The following PPFIA2 variants were observed in gnomAD, a reference collection of about 807,000 sequenced individuals.
PPFIA2 encodes the protein liprin-alpha-2.
PPFIA2 carries 46 observed loss-of-function variants against 175.5 expected under a neutral mutation model. The observed-to-expected ratio is 0.26, with a 90% CI of 0.21 to 0.34. PPFIA2 has a LOEUF of 0.34. Ranked by LOEUF, PPFIA2 falls within the 10% of genes least tolerant of loss-of-function variation. The pLI, the probability that PPFIA2 is intolerant of heterozygous loss-of-function variation, is 1.00. For synonymous variants in PPFIA2, 568 were observed against 511.4 expected (o/e 1.11, Z -1.49); for missense variants, 1,179 against 1,506.1 (o/e 0.78, Z 3.60).
intron 4 of PPFIA2, among the ~76,000 whole-genome samples, chr12:81,502,394 G>T (rs918242400): frequency 6.6e-6 from 1 of 152,110 alleles, no homozygotes; most frequent in South Asian, 2.1e-4. Flanking sequence ...ATGTTTACCT[G>T]GGAACTTTTG....
At chr12:81,722,419 A>G (rs1453980847) in intron 3 of PPFIA2, among the ~76,000 whole-genome samples, 1 of 151,186 alleles carries the variant, frequency 6.6e-6, no homozygotes, top group African/African-American at 2.4e-5. Context: ...TATTACTAGT[A>G]TCTTATCCCC....
At chr12:81,471,764 CAGTGA>C (rs1464308441) in intron 4 of PPFIA2, among the ~76,000 whole-genome samples, 4 of 152,114 alleles carry the variant, frequency 2.6e-5, no homozygotes, top group Non-Finnish European at 4.4e-5. Flanking sequence ...TTTCCACCAA[CAGTGA>C]ATATGGGTTT....
At chr12:81,712,631 T>C (rs1192259385) in intron 3 of PPFIA2, among the ~76,000 whole-genome samples, 1 of 151,180 alleles carries the variant, frequency 6.6e-6, no homozygotes, top group African/African-American at 2.4e-5. Context: ...CTCTCAAATA[T>C]ATTCTGAAGG....
intron 4 of PPFIA2, among the ~76,000 whole-genome samples, chr12:81,510,147 T>A (rs1203547812): frequency 6.6e-6 from 1 of 152,066 alleles, no homozygotes; most frequent in Non-Finnish European, 1.5e-5. Flanking sequence ...ATATTTATTA[T>A]ATATCAATAT....
At chr12:81,321,005 CTTACGGCATT>C (rs995354438) in intron 22 of PPFIA2, among the ~76,000 whole-genome samples, 1 of 151,608 alleles carries the variant, frequency 6.6e-6, no homozygotes, top group Non-Finnish European at 1.5e-5. Context: ...TAGACACCTA[CTTACGGCATT>C]TCTGAACACC....
intron 4 of PPFIA2, among the ~76,000 whole-genome samples, chr12:81,656,430 C>T (rs371241711): frequency 7.2e-5 from 11 of 152,008 alleles, no homozygotes; most frequent in Non-Finnish European, 7.4e-5. Flanking sequence ...TAGGTGTATG[C>T]GGAAGATTTC....
At chr12:81,278,158 A>C (rs2041044185) in intron 27 of PPFIA2, among the ~76,000 whole-genome samples, 1 of 152,232 alleles carries the variant, frequency 6.6e-6, no homozygotes, top group Non-Finnish European at 1.5e-5. Context: ...GGGCATATTA[A>C]GGAAAGCCTT....
chr12:81,510,699 T>G (rs983592379), intron 4 of PPFIA2, among the ~76,000 whole-genome samples: 10 of 152,192 alleles, frequency 6.6e-5, no homozygotes, highest in Admixed American at 2.0e-4. Context: ...GATTTGTGGG[T>G]GGAAGAAGAA....
At chr12:81,724,518 ACTCTC>A (rs2079783917) in intron 3 of PPFIA2, among the ~76,000 whole-genome samples, 1 of 149,896 alleles carries the variant, frequency 6.7e-6, no homozygotes, top group Non-Finnish European at 1.5e-5. Context: ...TTATTATTTC[ACTCTC>A]TTATGTCCAC....
chr12:81,656,062 T>A (rs987566247), intron 4 of PPFIA2, among the ~76,000 whole-genome samples: 2 of 152,054 alleles, frequency 1.3e-5, no homozygotes. Flanking sequence ...ATTAATGTAG[T>A]TATGTAGGCT....
chr12:81,485,886 C>T (rs376968902), intron 4 of PPFIA2, among the ~76,000 whole-genome samples: 2 of 151,690 alleles, frequency 1.3e-5, no homozygotes, highest in Admixed American at 6.6e-5. Context: ...AATGACTTGG[C>T]AAGTTCCATT....
At chr12:81,332,717 A>T (rs2056376167) in intron 21 of PPFIA2, among the ~76,000 whole-genome samples, 1 of 152,190 alleles carries the variant, frequency 6.6e-6, no homozygotes, top group South Asian at 2.1e-4. Context: ...AACTCAATGA[A>T]GTATTTTTTG....
At chr12:81,550,446 A>G (rs1009179645) in intron 4 of PPFIA2, among the ~76,000 whole-genome samples, 5 of 152,006 alleles carry the variant, frequency 3.3e-5, no homozygotes, top group Non-Finnish European at 5.9e-5. Flanking sequence ...TATGTATAGA[A>G]GCGATGTGAT....
intron 4 of PPFIA2, among the ~76,000 whole-genome samples, chr12:81,520,066 T>C (rs1008496606): frequency 6.6e-6 from 1 of 152,208 alleles, no homozygotes; most frequent in African/African-American, 2.4e-5. Context: ...TGTGAGATGA[T>C]ATAATGTCTA....
At chr12:81,512,268 C>G (rs1381084937) in intron 4 of PPFIA2, 1 of 1,268,456 alleles carries the variant, frequency 7.9e-7, no homozygotes, top group Admixed American at 2.3e-5. Context: ...ACACCTCATG[C>G]TGACACAAAA....
At chr12:81,691,481 C>A (rs546307804) in intron 3 of PPFIA2, among the ~76,000 whole-genome samples, 15 of 152,158 alleles carry the variant, frequency 9.9e-5, no homozygotes, top group Non-Finnish European at 2.1e-4. Context: ...CCTGAAATTC[C>A]TTTTATTATA....
intron 4 of PPFIA2, among the ~76,000 whole-genome samples, chr12:81,470,076 G>A (rs1342523602): frequency 6.6e-6 from 1 of 152,284 alleles, no homozygotes; most frequent in Non-Finnish European, 1.5e-5. Context: ...TGTTATGGAA[G>A]CCAGAGTTAA....
intron 4 of PPFIA2, among the ~76,000 whole-genome samples, chr12:81,641,759 C>A (rs1218659697): frequency 6.6e-6 from 1 of 152,154 alleles, no homozygotes; most frequent in Non-Finnish European, 1.5e-5. Context: ...GAGCCAACCT[C>A]AAATTCCCAC....
At chr12:81,672,788 C>A (rs1019359105) in intron 4 of PPFIA2, among the ~76,000 whole-genome samples, 1 of 151,886 alleles carries the variant, frequency 6.6e-6, no homozygotes, top group Non-Finnish European at 1.5e-5. Flanking sequence ...TAATTTAAAT[C>A]CTGATAATAA....
Sources: gnomAD v4.1 joint callset for allele counts (sites outside exome capture counted in the v4.1 genomes callset) on GRCh38, gnomAD v4.1.1 for gene constraint, MANE v1.5 for transcripts, NCBI Gene and HGNC (gene_info 2026-07-23, HGNC 2026-07-21) for gene names.